CEMIP: variants seen among roughly 807,000 people sequenced by gnomAD.
The protein encoded by CEMIP is cell migration-inducing and hyaluronan-binding protein.
Under a neutral mutation model 156.9 loss-of-function variants are expected in CEMIP, and 105 were observed. The observed-to-expected ratio is 0.67, with a 90% CI of 0.57 to 0.79. CEMIP has a LOEUF of 0.79. Among genes scored for constraint, CEMIP ranks in the 30% least tolerant of loss-of-function variants. The pLI is 0.00. For missense variants in CEMIP, 1,457 were observed against 1,769.4 expected, an observed-to-expected ratio of 0.82 and a Z score of 3.17; for synonymous variants, 676 against 668.4, an observed-to-expected ratio of 1.01 and a Z score of -0.17.
At chr15:80,940,790 A>G (rs1210834239) in intron 25 of CEMIP, among the ~76,000 whole-genome samples, 2 of 152,212 alleles carry the variant, frequency 1.3e-5, no homozygotes, top group African/African-American at 2.4e-5. Flanking sequence ...GGGAGGAGGT[A>G]GCCTGCCTAC....
chr15:80,876,422 G>A (rs1056294465), intron 3 of CEMIP, among the ~76,000 whole-genome samples: 16 of 152,168 alleles, frequency 1.1e-4, no homozygotes, highest in Non-Finnish European at 1.6e-4. Flanking sequence ...GCAAGCCCAC[G>A]TCTTCCCACA....
At chr15:80,854,352 C>T (rs1248636416) in intron 1 of CEMIP, among the ~76,000 whole-genome samples, 1 of 152,216 alleles carries the variant, frequency 6.6e-6, no homozygotes, top group Non-Finnish European at 1.5e-5. Flanking sequence ...ATAAACCAAG[C>T]GTGGGCTGCA....
At chr15:80,823,735 A>G (rs142872187) in intron 1 of CEMIP, among the ~76,000 whole-genome samples, 2,056 of 152,328 alleles carry the variant, frequency 0.013, 34 homozygotes, top group Non-Finnish European at 0.016. Flanking sequence ...GGTGATAAGA[A>G]TGTTCTGTGA....
intron 25 of CEMIP, among the ~76,000 whole-genome samples, chr15:80,938,810 G>A (rs774692230): frequency 6.6e-6 from 1 of 152,032 alleles, no homozygotes; most frequent in Non-Finnish European, 1.5e-5. Context: ...AAGAAATTTC[G>A]TCTAATGTCT....
At chr15:80,869,689 C>A (rs1188106275) in intron 1 of CEMIP, among the ~76,000 whole-genome samples, 1 of 152,196 alleles carries the variant, frequency 6.6e-6, no homozygotes, top group Non-Finnish European at 1.5e-5. Context: ...AGGCAGGATT[C>A]ACATCCGATT....
At chr15:80,929,954 G>T (rs1386109631) in intron 21 of CEMIP, among the ~76,000 whole-genome samples, 1 of 152,220 alleles carries the variant, frequency 6.6e-6, no homozygotes, top group Non-Finnish European at 1.5e-5. Context: ...ACCACAGGCT[G>T]GGTCAGTGGT....
intron 7 of CEMIP, among the ~76,000 whole-genome samples, chr15:80,886,623 A>G (rs1271473085): frequency 6.6e-6 from 1 of 152,210 alleles, no homozygotes; most frequent in Non-Finnish European, 1.5e-5. Flanking sequence ...TCACTGATTA[A>G]CAGGAGAAAA....
At chr15:80,811,814 C>T (rs907562661) in intron 1 of CEMIP, among the ~76,000 whole-genome samples, 24 of 152,222 alleles carry the variant, frequency 1.6e-4, no homozygotes, top group African/African-American at 5.8e-4. Context: ...GCCTCAGCCT[C>T]CCAAACTGTT....
At chr15:80,862,705 G>A (rs1284520510) in intron 1 of CEMIP, among the ~76,000 whole-genome samples, 1 of 152,214 alleles carries the variant, frequency 6.6e-6, no homozygotes, top group Admixed American at 6.5e-5. Context: ...GGTGGATGAG[G>A]AGCAGGGGTG....
At chr15:80,865,937 G>A (rs1447258543) in intron 1 of CEMIP, among the ~76,000 whole-genome samples, 1 of 152,168 alleles carries the variant, frequency 6.6e-6, no homozygotes, top group African/African-American at 2.4e-5. Flanking sequence ...CCTTAAGGGT[G>A]GAGATCTTAC....
intron 1 of CEMIP, among the ~76,000 whole-genome samples, chr15:80,850,410 G>A (rs986978025): frequency 3.3e-5 from 5 of 152,130 alleles, no homozygotes; most frequent in African/African-American, 9.7e-5. Context: ...CCAAGTAGCC[G>A]GGATTACAAA....
intron 1 of CEMIP, among the ~76,000 whole-genome samples, chr15:80,860,758 G>A (rs1007805279): frequency 5.9e-4 from 89 of 151,970 alleles, no homozygotes; most frequent in African/African-American, 2.1e-3. Context: ...GGGTGTTCAC[G>A]TCTTATCACC....
intron 1 of CEMIP, among the ~76,000 whole-genome samples, chr15:80,799,607 A>T (rs1356176024): frequency 6.6e-6 from 1 of 152,262 alleles, no homozygotes; most frequent in Non-Finnish European, 1.5e-5. Context: ...AGTATCAAAG[A>T]CATACTTGCA....
intron 14 of CEMIP, among the ~76,000 whole-genome samples, chr15:80,914,093 C>CTATGG (rs1304123447): frequency 1.7e-5 from 1 of 58,894 alleles, no homozygotes; most frequent in Admixed American, 2.3e-4. Context: ...AAGGAAGGCT[C>CTATGG]TACAGTATCT....
intron 1 of CEMIP, among the ~76,000 whole-genome samples, chr15:80,821,752 C>T (rs920331713): frequency 3.3e-5 from 5 of 152,152 alleles, no homozygotes; most frequent in East Asian, 1.9e-4. Flanking sequence ...CTTAGAGGTG[C>T]CCATGGGCCA....
chr15:80,879,322 G>A (rs1898566939), intron 4 of CEMIP, among the ~76,000 whole-genome samples: 1 of 152,170 alleles, frequency 6.6e-6, no homozygotes, highest in African/African-American at 2.4e-5. Flanking sequence ...AACATGTACA[G>A]ATTTTTCCTT....
chr15:80,810,367 TG>T (rs1285147573), intron 1 of CEMIP, among the ~76,000 whole-genome samples: 6 of 152,284 alleles, frequency 3.9e-5, no homozygotes, highest in African/African-American at 1.4e-4. Flanking sequence ...TGTGTTTTTT[TG>T]TTTGTTTGTT....
chr15:80,922,797 G>A (rs1334045677), intron 17 of CEMIP, among the ~76,000 whole-genome samples: 1 of 152,202 alleles, frequency 6.6e-6, no homozygotes, highest in Admixed American at 6.5e-5. Context: ...GGACTTCCCA[G>A]TGAGGACAGC....
In CEMIP at chr15:80,784,856, T is replaced by C. The variant is rs182508988; in HGVS notation, c.-176+5242T>C. Among the ~76,000 whole-genome samples, 83 of 152,316 alleles carry C rather than the reference T, an allele frequency of 5.4e-4. 1 individual carries two copies. Among genetic ancestry groups the C allele is most frequent in the African/African-American group, 1.1e-3 (45 of 41,574 alleles). ...CTTCAAGTCGTGGGGGCCTATGTCA[T>C]TATGACATTGATGACTTTCTGTGAT... is the stretch of plus-strand genomic sequence containing the variant. On this transcript the variant is annotated intron_variant, in intron 1 of 29. Transcript: ENST00000394685.
Sources: allele counts gnomAD v4.1 joint callset (sites outside exome capture counted in the v4.1 genomes callset), GRCh38; gene constraint gnomAD v4.1.1; transcripts MANE v1.5; gene names NCBI Gene and HGNC (gene_info 2026-07-23, HGNC 2026-07-21).